CALN1: variants seen among roughly 807,000 people sequenced by gnomAD.
CALN1 encodes calneuron 1.
In CALN1, 17 loss-of-function variants were observed where a neutral mutation model predicts 30.6. The observed-to-expected ratio is 0.56, with a 90% CI of 0.38 to 0.83. The LOEUF is 0.83. CALN1 is among the 40% of genes least tolerant of loss of function. The pLI is 0.00. For missense variants in CALN1, 291 were observed against 354.9 expected (o/e 0.82, Z 1.45); for synonymous variants, 156 against 131.4 (o/e 1.19, Z -1.28).
Position 72,154,638 on chromosome 7 carries a change from T to C in CALN1, c.245-48344A>G, listed in dbSNP as rs76769900. ...AGAGGGCCTCTGTGTCTCCCTCTAC[T>C]AAAACTCAGATGTTGAAGTCCTAAC... is the stretch of plus-strand genomic sequence containing the variant. On this transcript the variant is annotated intron_variant, in intron 3 of 6. Transcript: ENST00000395275. Among the ~76,000 whole-genome samples, 1,148 of 152,196 alleles carry C rather than the reference T, an allele frequency of 7.5e-3. 11 individuals carry two copies. The highest frequency in any genetic ancestry group is 0.027 in the African/African-American group (1,120 of 41,544).
chr7:71,957,737 G>A (rs928391220), intron 5 of CALN1, among the ~76,000 whole-genome samples: 17 of 151,990 alleles, frequency 1.1e-4, no homozygotes, highest in African/African-American at 4.1e-4. Flanking sequence ...AAAAATTTAG[G>A]CTGGGTGCTG....
At chr7:72,002,375 A>T (rs1053680304) in intron 5 of CALN1, among the ~76,000 whole-genome samples, 14 of 152,208 alleles carry the variant, frequency 9.2e-5, no homozygotes, top group African/African-American at 3.1e-4. Flanking sequence ...TAAAATGTTG[A>T]CCATCTCATA....
At chr7:72,176,036 C>T (rs898871372) in intron 3 of CALN1, among the ~76,000 whole-genome samples, 2 of 152,252 alleles carry the variant, frequency 1.3e-5, no homozygotes, top group Middle Eastern at 6.8e-3. Flanking sequence ...CTCTCCCTCC[C>T]AGATAAGCAA....
At chr7:72,325,155 G>C (rs1801183315) in intron 2 of CALN1, among the ~76,000 whole-genome samples, 1 of 151,836 alleles carries the variant, frequency 6.6e-6, no homozygotes, top group Non-Finnish European at 1.5e-5. Context: ...TTTAAAAGTA[G>C]CTGAGCTTGG....
At chr7:72,463,519 C>T in the CALN1 span, among the ~76,000 whole-genome samples, 1 of 152,132 alleles carries the variant, frequency 6.6e-6, no homozygotes, top group Non-Finnish European at 1.5e-5. Flanking sequence ...TGGTACTCCC[C>T]CCAACATTGG....
chr7:72,395,077 A>C (rs1805830732), intron 2 of CALN1, among the ~76,000 whole-genome samples: 1 of 152,148 alleles, frequency 6.6e-6, no homozygotes, highest in East Asian at 1.9e-4. Flanking sequence ...CCTAACACAT[A>C]AACTCTATGG....
rs556548671 is a variant in CALN1, at chr7:72,083,820, G to A, written c.388+22331C>T. On this transcript the variant is annotated intron_variant, in intron 4 of 6. Coordinates refer to ENST00000395275, the MANE Select transcript of CALN1 (RefSeq NM_031468.4). ...TGTAGTCCCAGCTACTTGGGAGGCT[G>A]AGGCAGGAGAATCGCTTGAACCATA... is the stretch of plus-strand genomic sequence containing the variant. Among the ~76,000 whole-genome samples the A allele has an allele frequency of 1.9e-3, 296 of 152,206 alleles. 2 individuals are homozygous for A. Among genetic ancestry groups the A allele is most frequent in the African/African-American group, 6.8e-3 (281 of 41,526 alleles).
chr7:71,881,428 A>G (rs1317949337), intron 5 of CALN1, among the ~76,000 whole-genome samples: 1 of 152,142 alleles, frequency 6.6e-6, no homozygotes, highest in African/African-American at 2.4e-5. Context: ...AGCAAGTTCT[A>G]TGGTCTTCAC....
chr7:72,121,523 A>C (rs1392633503), intron 3 of CALN1, among the ~76,000 whole-genome samples: 1 of 148,276 alleles, frequency 6.7e-6, no homozygotes, highest in Non-Finnish European at 1.5e-5. Flanking sequence ...CAACACGGAC[A>C]TGAGTCCCTC....
intron 3 of CALN1, among the ~76,000 whole-genome samples, chr7:72,143,351 G>A (rs577350851): frequency 1.3e-5 from 2 of 152,212 alleles, no homozygotes; most frequent in Admixed American, 6.5e-5. Context: ...TAGCCGATTC[G>A]ATCAACGGGA....
At chr7:71,819,484 A>T (rs1788471643) in intron 5 of CALN1, among the ~76,000 whole-genome samples, 1 of 152,164 alleles carries the variant, frequency 6.6e-6, no homozygotes, top group Non-Finnish European at 1.5e-5. Flanking sequence ...GATTGCAGGC[A>T]TGAGCCACCG....
intron 5 of CALN1, among the ~76,000 whole-genome samples, chr7:71,999,070 T>C (rs966114469): frequency 6.6e-6 from 1 of 152,142 alleles, no homozygotes; most frequent in Non-Finnish European, 1.5e-5. Flanking sequence ...AGAGACACAA[T>C]CCAATTTTAT....
intron 5 of CALN1, among the ~76,000 whole-genome samples, chr7:71,968,342 AG>A (rs887424478): frequency 2.6e-5 from 4 of 152,210 alleles, no homozygotes; most frequent in African/African-American, 9.6e-5. Flanking sequence ...CAAAACTACA[AG>A]AAGTGAGATC....
Position 72,278,829 on chromosome 7 carries a change from G to C in CALN1, c.120-19C>G. The C allele has an allele frequency of 6.3e-7, 1 of 1,594,766 alleles. No individual in the cohort carries two copies. Among genetic ancestry groups the C allele is most frequent in the Non-Finnish European group, 8.6e-7 (1 of 1,163,864 alleles). ...CTTTTCCCTGCCCAAGAGAGAACAG[G>C]GGAGGGGAAAAGAAAGACATCATCA... On this transcript the variant is annotated intron_variant, in intron 2 of 6. Coordinates refer to ENST00000395275, the MANE Select transcript of CALN1 (RefSeq NM_031468.4).
chr7:72,230,925 G>GA (rs1359170356), intron 3 of CALN1, among the ~76,000 whole-genome samples: 2 of 152,086 alleles, frequency 1.3e-5, no homozygotes, highest in African/African-American at 2.4e-5. Context: ...GAAAATTCCA[G>GA]AAATAAAAAA....
At chr7:71,874,220 A>T (rs6974990) in intron 5 of CALN1, among the ~76,000 whole-genome samples, 7,098 of 147,310 alleles carry the variant, frequency 0.048, 579 homozygotes, top group African/African-American at 0.17. Context: ...GGTTGCAGTG[A>T]GCTGAGATCT....
intron 4 of CALN1, among the ~76,000 whole-genome samples, chr7:72,092,140 G>A (rs953822166): frequency 1.3e-5 from 2 of 151,948 alleles, no homozygotes; most frequent in African/African-American, 2.4e-5. Flanking sequence ...TGCTATCTTT[G>A]TGAATTTGTT....
At chr7:72,032,365 A>AT (rs1459118221) in intron 4 of CALN1, among the ~76,000 whole-genome samples, 1 of 151,974 alleles carries the variant, frequency 6.6e-6, no homozygotes, top group Non-Finnish European at 1.5e-5. Flanking sequence ...TAATTTTTAA[A>AT]TTTTTTGTAG....
chr7:72,087,734 G>C (rs912566367), intron 4 of CALN1, among the ~76,000 whole-genome samples: 1 of 152,214 alleles, frequency 6.6e-6, no homozygotes, highest in East Asian at 1.9e-4. Flanking sequence ...ACAGCTATGA[G>C]GGGTATTGGA....
Sources: allele counts gnomAD v4.1 joint callset (sites outside exome capture counted in the v4.1 genomes callset), GRCh38; gene constraint gnomAD v4.1.1; transcripts MANE v1.5; gene names NCBI Gene and HGNC (gene_info 2026-07-23, HGNC 2026-07-21).